BBS9: variants seen among roughly 807,000 people sequenced by gnomAD.
BBS9 encodes the protein protein PTHB1.
BBS9 carries 89 observed loss-of-function variants against 117.7 expected under a neutral mutation model. That is an observed-to-expected ratio of 0.76 (90% CI 0.64 to 0.90). The LOEUF (loss-of-function observed/expected upper bound fraction) is 0.90, where lower values mean the gene tolerates loss of function less well. Ranked by LOEUF, BBS9 falls within the 40% of genes least tolerant of loss-of-function variation. The probability of loss-of-function intolerance (pLI) is 0.00; values close to 1 mark genes in which losing one functional copy is unlikely to be tolerated. For missense variants in BBS9, 982 were observed against 1,042.2 expected (o/e 0.94, Z 0.80); for synonymous variants, 379 against 370.9 (o/e 1.02, Z -0.25).
chr7:33,617,784 C>T (rs981992135), intron 21 of BBS9, among the ~76,000 whole-genome samples: 1 of 152,146 alleles, frequency 6.6e-6, no homozygotes, highest in African/African-American at 2.4e-5. Flanking sequence ...CAATTGGAGA[C>T]TCAATTGAGC....
chr7:33,144,833 A>AT (rs36014532), intron 1 of BBS9, among the ~76,000 whole-genome samples: 1 of 152,066 alleles, frequency 6.6e-6, no homozygotes, highest in Non-Finnish European at 1.5e-5. Flanking sequence ...TTGAATTTTG[A>AT]TTTTTTCCCT....
chr7:33,213,861 A>T (rs758536411), intron 5 of BBS9, among the ~76,000 whole-genome samples: 1 of 151,780 alleles, frequency 6.6e-6, no homozygotes, highest in Non-Finnish European at 1.5e-5. Context: ...AGGATGCAAG[A>T]CAAAGTTCTC....
intron 21 of BBS9, among the ~76,000 whole-genome samples, chr7:33,594,626 AGAGT>A: frequency 6.6e-6 from 1 of 152,254 alleles, no homozygotes; most frequent in Admixed American, 6.5e-5. Flanking sequence ...AACACAGTGA[AGAGT>A]AGAGTAGAAA....
intron 21 of BBS9, among the ~76,000 whole-genome samples, chr7:33,569,482 G>A (rs750228930): frequency 9.2e-5 from 14 of 151,592 alleles, no homozygotes; most frequent in Non-Finnish European, 1.8e-4. Context: ...TAGGCCGGGC[G>A]CAGTGGCCCA....
At chr7:33,211,384 T>C (rs942648499) in intron 5 of BBS9, among the ~76,000 whole-genome samples, 1 of 152,198 alleles carries the variant, frequency 6.6e-6, no homozygotes, top group African/African-American at 2.4e-5. Flanking sequence ...TATTACCCAT[T>C]ATTTTAAATT....
intron 19 of BBS9, among the ~76,000 whole-genome samples, chr7:33,490,707 T>C (rs1188836304): frequency 1.3e-5 from 2 of 152,222 alleles, no homozygotes; most frequent in African/African-American, 2.4e-5. Context: ...ATATATTTTA[T>C]TTTTTCTCAG....
chr7:33,362,588 CT>C (rs1820825340), intron 16 of BBS9, among the ~76,000 whole-genome samples: 1 of 152,092 alleles, frequency 6.6e-6, no homozygotes, highest in Non-Finnish European at 1.5e-5. Flanking sequence ...GGGTGTATTT[CT>C]GCTTTCTTAA....
intron 9 of BBS9, among the ~76,000 whole-genome samples, chr7:33,317,382 T>TA (rs561722433): frequency 1.3e-4 from 19 of 148,534 alleles, no homozygotes; most frequent in East Asian, 3.9e-4. Flanking sequence ...ACTTGTTACT[T>TA]AAAAAAAAAA....
At chr7:33,490,716 A>G (rs527359512) in intron 19 of BBS9, among the ~76,000 whole-genome samples, 11 of 152,306 alleles carry the variant, frequency 7.2e-5, no homozygotes, top group African/African-American at 2.4e-4. Flanking sequence ...ATTTTTTCTC[A>G]GGGTAAATTG....
At chr7:33,312,090 T>C (rs1250190119) in intron 9 of BBS9, among the ~76,000 whole-genome samples, 1 of 152,240 alleles carries the variant, frequency 6.6e-6, no homozygotes, top group African/African-American at 2.4e-5. Context: ...AAACCTCTGT[T>C]CCTGCTGCTC....
intron 5 of BBS9, among the ~76,000 whole-genome samples, chr7:33,222,119 A>T (rs1424024067): frequency 6.6e-6 from 1 of 152,082 alleles, no homozygotes; most frequent in African/African-American, 2.4e-5. Context: ...ATTAGCATGA[A>T]CTCTATGAAA....
intron 19 of BBS9, among the ~76,000 whole-genome samples, chr7:33,398,574 G>A (rs1563118449): frequency 6.6e-6 from 1 of 152,258 alleles, no homozygotes; most frequent in East Asian, 1.9e-4. Flanking sequence ...GTATGTCCCT[G>A]ATGTATTCAC....
At chr7:33,147,269 G>A (rs10275544) in intron 2 of BBS9, among the ~76,000 whole-genome samples, 74,549 of 151,218 alleles carry the variant, frequency 0.49, 18,446 homozygotes, top group East Asian at 0.67. Flanking sequence ...TTTTTTTTGT[G>A]ATCTAGTCAT....
intron 19 of BBS9, among the ~76,000 whole-genome samples, chr7:33,441,498 A>G (rs1836179482): frequency 6.6e-6 from 1 of 152,170 alleles, no homozygotes; most frequent in African/African-American, 2.4e-5. Context: ...TGGAAACTTA[A>G]TTCATCATTT....
At chr7:33,630,345 T>G (rs1278875381) in intron 21 of BBS9, among the ~76,000 whole-genome samples, 4 of 152,122 alleles carry the variant, frequency 2.6e-5, no homozygotes, top group African/African-American at 9.7e-5. Flanking sequence ...GTGTACAAGT[T>G]CAAATTTTTT....
At chr7:33,417,343 T>C (rs1373194234) in intron 19 of BBS9, among the ~76,000 whole-genome samples, 1 of 152,230 alleles carries the variant, frequency 6.6e-6, no homozygotes, top group East Asian at 1.9e-4. Flanking sequence ...ACTCTACTAA[T>C]AGACATACTT....
downstream of BBS9, among the ~76,000 whole-genome samples, chr7:33,607,880 CT>C (rs541343507): frequency 1.7e-3 from 240 of 141,396 alleles, no homozygotes; most frequent in Middle Eastern, 3.7e-3. Context: ...TGATAGCTCT[CT>C]TTTTTTTTTT....
At chr7:33,302,993 G>T (rs1806830313) in intron 9 of BBS9, among the ~76,000 whole-genome samples, 1 of 151,920 alleles carries the variant, frequency 6.6e-6, no homozygotes, top group African/African-American at 2.4e-5. Flanking sequence ...TCACTTCTTT[G>T]ATTATTTCCT....
chr7:33,429,283 T>TA lies in BBS9; in HGVS notation c.2115+41153dup, dbSNP rs1167281294. Among the ~76,000 whole-genome samples the TA allele has an allele frequency of 3.8e-3, 549 of 142,688 alleles. 5 individuals carry two copies. The highest frequency in any genetic ancestry group is 0.01 in the African/African-American group (404 of 39,084). 93.6% of individuals were successfully genotyped at this position (142,688 alleles called of 152,430 possible). A position where few individuals can be genotyped will look rare whatever the true frequency, so the allele number is the denominator to read the frequency against. On this transcript the variant is annotated intron_variant, in intron 19 of 22. Transcript: ENST00000242067. The stretch of plus-strand genomic sequence containing the variant: ...TTTTTGCGTAGCTTTTGCCTTGAAA[T>TA]AAAAAAAAAAAAAATTCAGCCAGAA...
Sources: allele counts gnomAD v4.1 joint callset (sites outside exome capture counted in the v4.1 genomes callset), GRCh38; gene constraint gnomAD v4.1.1; transcripts MANE v1.5; gene names NCBI Gene and HGNC (gene_info 2026-07-23, HGNC 2026-07-21).